Variants in OSBPL6 observed in about 807,000 individuals in gnomAD.
OSBPL6 encodes oxysterol-binding protein-related protein 6.
OSBPL6 carries 49 observed loss-of-function variants against 125.8 expected under a neutral mutation model. That is an observed-to-expected ratio of 0.39 (90% confidence interval 0.31 to 0.49). OSBPL6 has a LOEUF of 0.49. Ranked by LOEUF, OSBPL6 falls within the 20% of genes least tolerant of loss-of-function variation. The pLI, the probability that OSBPL6 is intolerant of heterozygous loss-of-function variation, is 0.88. For missense variants in OSBPL6, 986 were observed against 1,135.4 expected (o/e 0.87, Z 1.89); for synonymous variants, 394 against 391.8 (o/e 1.01, Z -0.07).
In OSBPL6 at chr2:178,316,770, G is replaced by A. The variant is rs1219943533; in HGVS notation, c.103-7407G>A. Reference sequence around the variant, plus strand: ...TGATTTAAAGTATATGGAAAGATGTGCATAGGTTATATGCAAATACTATGG... The same window carrying A: ...TGATTTAAAGTATATGGAAAGATGTACATAGGTTATATGCAAATACTATGG... On this transcript the variant is annotated intron_variant, in intron 3 of 24. Coordinates refer to ENST00000190611, the MANE Select transcript of OSBPL6 (RefSeq NM_032523.4). Among the ~76,000 whole-genome samples the A allele has an allele frequency of 1.2e-4, 18 of 152,122 alleles. 1 individual carries two copies. The East Asian group carries it at 1.3e-3, about 11-fold the overall frequency.
At chr2:178,272,256 A>C (rs1262259654) in intron 1 of OSBPL6, among the ~76,000 whole-genome samples, 1 of 152,210 alleles carries the variant, frequency 6.6e-6, no homozygotes, top group African/African-American at 2.4e-5. Flanking sequence ...CCCAAGTAGT[A>C]TCAGACTGCT....
chr2:178,305,580 G>C (rs1181234572), intron 2 of OSBPL6, among the ~76,000 whole-genome samples: 1 of 152,214 alleles, frequency 6.6e-6, no homozygotes, highest in African/African-American at 2.4e-5. Context: ...TGCACACAAT[G>C]TGTTAACTCT....
intron 3 of OSBPL6, among the ~76,000 whole-genome samples, chr2:178,312,307 G>GCC (rs1687356401): frequency 6.6e-6 from 1 of 150,954 alleles, no homozygotes; most frequent in Non-Finnish European, 1.5e-5. Flanking sequence ...GATTACAGGT[G>GCC]CACCACCACG....
intron 1 of OSBPL6, among the ~76,000 whole-genome samples, chr2:178,231,850 G>A (rs2090836257): frequency 6.6e-6 from 1 of 152,010 alleles, no homozygotes; most frequent in South Asian, 2.1e-4. Context: ...TTTTTGTAGA[G>A]ATAGGGTCTG....
chr2:178,272,774 G>C lies in OSBPL6; in HGVS notation c.-350-12153G>C, dbSNP rs767095257. Among the ~76,000 whole-genome samples, 46 of 152,190 alleles carry C rather than the reference G, an allele frequency of 3.0e-4. 1 individual carries two copies. Among genetic ancestry groups the C allele is most frequent in the Non-Finnish European group, 1.3e-4 (9 of 68,030 alleles). On this transcript the variant is annotated intron_variant, in intron 1 of 24. Transcript: ENST00000190611. ...GTCACTTGAGCTTTAGCACACTTTA[G>C]CATCCTTCTTGCATACTGTAGCAAA...
intron 18 of OSBPL6, among the ~76,000 whole-genome samples, chr2:178,384,944 A>T (rs1694805326): frequency 6.6e-6 from 1 of 152,088 alleles, no homozygotes; most frequent in Admixed American, 6.6e-5. Flanking sequence ...TGGTCCTGAG[A>T]TTTATTTTCT....
intron 2 of OSBPL6, among the ~76,000 whole-genome samples, chr2:178,290,424 GTTT>G (rs55767106): frequency 0.35 from 45,588 of 129,152 alleles, 7,938 homozygotes; most frequent in East Asian, 0.55. Context: ...AATTGTAGTG[GTTT>G]TTTTTTTTTT....
rs142375839 is a variant in OSBPL6 at position 178,257,885 on chromosome 2, C to T, written c.-350-27042C>T. On this transcript the variant is annotated intron_variant, in intron 1 of 24. Transcript: ENST00000190611. ...ATCAGTGCAGGCTTGACCTCCTGGGCTCAAGTGATCCTCCTGCCTAAGCCT... is the reference window on the plus strand; with the variant it reads ...ATCAGTGCAGGCTTGACCTCCTGGGTTCAAGTGATCCTCCTGCCTAAGCCT... Among the ~76,000 whole-genome samples, 936 of 151,284 alleles carry T rather than the reference C, an allele frequency of 6.2e-3. 7 individuals are homozygous for T. Among genetic ancestry groups the T allele is most frequent in the African/African-American group, 0.021 (881 of 41,112 alleles).
intron 1 of OSBPL6, among the ~76,000 whole-genome samples, chr2:178,223,776 C>T (rs1457665312): frequency 6.6e-6 from 1 of 152,148 alleles, no homozygotes; most frequent in East Asian, 1.9e-4. Context: ...TTTGAAACAG[C>T]TTTGAGTGGG....
chr2:178,357,260 C>T (rs566083239), intron 12 of OSBPL6, among the ~76,000 whole-genome samples: 2 of 152,310 alleles, frequency 1.3e-5, no homozygotes, highest in South Asian at 4.1e-4. Context: ...AACTAAAGAG[C>T]TTCTGCACAG....
At chr2:178,228,285 C>A (rs1039345862) in intron 1 of OSBPL6, among the ~76,000 whole-genome samples, 1 of 152,204 alleles carries the variant, frequency 6.6e-6, no homozygotes. Flanking sequence ...CCTGTAATCC[C>A]AGCACTTTGG....
chr2:178,232,959 CA>C (rs2090897740), intron 1 of OSBPL6, among the ~76,000 whole-genome samples: 1 of 152,188 alleles, frequency 6.6e-6, no homozygotes, highest in Admixed American at 6.5e-5. Flanking sequence ...TTAAAACTTT[CA>C]GATAATTTGT....
intron 2 of OSBPL6, among the ~76,000 whole-genome samples, chr2:178,290,790 A>G (rs1466090280): frequency 6.6e-6 from 1 of 152,004 alleles, no homozygotes; most frequent in Non-Finnish European, 1.5e-5. Flanking sequence ...GCTCATTTCC[A>G]TGGGTTGTCA....
chr2:178,355,151 A>G (rs1418632731), intron 12 of OSBPL6, among the ~76,000 whole-genome samples: 2 of 152,336 alleles, frequency 1.3e-5, no homozygotes, highest in Middle Eastern at 3.4e-3. Flanking sequence ...CCAAAAACCA[A>G]CACCCTAACA....
chr2:178,195,806 A>T (rs2088851204), intron 1 of OSBPL6, among the ~76,000 whole-genome samples: 1 of 150,972 alleles, frequency 6.6e-6, no homozygotes, highest in Non-Finnish European at 1.5e-5. Context: ...TTCAGTTGTG[A>T]TTTTTTTTTT....
chr2:178,382,490 A>T lies in OSBPL6; in HGVS notation c.1604A>T (p.Asp535Val). Residue 535 changes from aspartate (D) to valine (V), a missense_variant, in exon 16 of 25, where the codon GAC becomes GTC. Asp to Val is a radical substitution (Grantham distance 152). Coordinates refer to ENST00000190611, the MANE Select transcript of OSBPL6 (RefSeq NM_032523.4). ...TCTGAAGACAACACCAGTGTTGCAG[A>T]CAATATTTCTCGGCAAAGTATGCAT... ...NISEDNTSVA[D>V]NISRQILNGE... The T allele has an allele frequency of 6.2e-7, 1 of 1,614,128 alleles. No individual in the cohort carries two copies. Among genetic ancestry groups the T allele is most frequent in the Non-Finnish European group, 8.5e-7 (1 of 1,180,020 alleles).
chr2:178,224,101 A>G (rs553769606), intron 1 of OSBPL6, among the ~76,000 whole-genome samples: 1 of 152,296 alleles, frequency 6.6e-6, no homozygotes, highest in Admixed American at 6.5e-5. Context: ...ATTTTAGGAC[A>G]CTTGGTTAAT....
intron 3 of OSBPL6, among the ~76,000 whole-genome samples, chr2:178,310,368 AT>A (rs1314290500): frequency 6.8e-6 from 1 of 146,294 alleles, no homozygotes; most frequent in Non-Finnish European, 1.5e-5. Context: ...TTCAACTTGG[AT>A]TTTAAGAAAG....
chr2:178,353,757 T>G (rs1156802936), intron 12 of OSBPL6, among the ~76,000 whole-genome samples: 1 of 151,902 alleles, frequency 6.6e-6, no homozygotes, highest in Non-Finnish European at 1.5e-5. Flanking sequence ...ACAAAGATAC[T>G]CCTCAACAAG....
Sources: gnomAD v4.1 joint callset for allele counts (sites outside exome capture counted in the v4.1 genomes callset) on GRCh38, gnomAD v4.1.1 for gene constraint, MANE v1.5 for transcripts, NCBI Gene and HGNC (gene_info 2026-07-23, HGNC 2026-07-21) for gene names.